The following SPTBN1 variants were observed in gnomAD, a reference collection of about 807,000 sequenced individuals.
SPTBN1 encodes the protein spectrin beta, non-erythrocytic 1, also known as spectrin beta chain, non-erythrocytic 1.
Under a neutral mutation model 266.4 loss-of-function variants are expected in SPTBN1, and 32 were observed. The ratio of observed to expected loss-of-function variants is 0.12; its 90% CI spans 0.09 to 0.16. The LOEUF (loss-of-function observed/expected upper bound fraction) is 0.16, where lower values mean the gene tolerates loss of function less well. Ranked by LOEUF, SPTBN1 falls within the 10% of genes least tolerant of loss-of-function variation. The pLI is 1.00. For synonymous variants in SPTBN1, 1,336 were observed against 1,162.2 expected (o/e 1.15, Z -3.04); for missense variants, 2,296 against 3,067.1 (o/e 0.75, Z 5.94).
chr2:54,641,397 T>G (rs761876858), intron 18 of SPTBN1, among the ~76,000 whole-genome samples: 6 of 152,232 alleles, frequency 3.9e-5, no homozygotes, highest in Non-Finnish European at 8.8e-5. Flanking sequence ...GCCTTCTGTT[T>G]TGTGTGTATG....
chr2:54,590,500 C>CAACTCAGAGGCAATT (rs1219493230), intron 2 of SPTBN1, among the ~76,000 whole-genome samples: 2 of 152,172 alleles, frequency 1.3e-5, no homozygotes, highest in Non-Finnish European at 2.9e-5. Context: ...GCCTCTGAGC[C>CAACTCAGAGGCAATT]AACTGCAAGT....
chr2:54,594,372 A>T (rs1226799241), intron 2 of SPTBN1, among the ~76,000 whole-genome samples: 1 of 152,240 alleles, frequency 6.6e-6, no homozygotes, highest in Non-Finnish European at 1.5e-5. Flanking sequence ...AAGATGCAAT[A>T]TAGCAGCTGT....
intron 1 of SPTBN1, among the ~76,000 whole-genome samples, chr2:54,482,582 C>T (rs1433611503): frequency 6.6e-6 from 1 of 152,094 alleles, no homozygotes; most frequent in Non-Finnish European, 1.5e-5. Context: ...GCCATGAGCA[C>T]CAGGAAGTTA....
At chr2:54,665,781 A>C in intron 33 of SPTBN1, 134 bp from the exon 34 acceptor site, 1 of 1,036,248 alleles carries the variant, frequency 9.7e-7, no homozygotes, top group South Asian at 1.8e-5. Flanking sequence ...GCTTGTAATA[A>C]GGAAGGTTGA....
chr2:54,656,113 G>C, intron 29 of SPTBN1, 115 bp downstream of exon 29: 1 of 847,936 alleles, frequency 1.2e-6, no homozygotes, highest in Non-Finnish European at 1.8e-6. Context: ...AGTTGTAGAT[G>C]CCTTTTTAGT....
intron 1 of SPTBN1, among the ~76,000 whole-genome samples, chr2:54,493,045 GC>G (rs1181936417): frequency 9.0e-6 from 1 of 110,796 alleles, no homozygotes; most frequent in Non-Finnish European, 1.7e-5. Flanking sequence ...TCACTCTATT[GC>G]CCAGACTGAA....
At position 54,645,576 on chromosome 2, in the gene SPTBN1, T is replaced by A. The variant is rs889303095; in HGVS notation, c.4494+123T>A. ...ACGTTGGCAAGCTGAGCTGCCAAAGTCCACGCTCTGGATGGTCTAAAGTTT... is the reference window on the plus strand; with the variant it reads ...ACGTTGGCAAGCTGAGCTGCCAAAGACCACGCTCTGGATGGTCTAAAGTTT... On this transcript the variant is annotated intron_variant, in intron 21 of 35. Transcript: ENST00000356805. The surrounding 1 kb of genome is among the most constrained non-coding windows in gnomAD (Gnocchi z 4.3). 27 of 988,792 alleles carry A rather than the reference T, an allele frequency of 2.7e-5. No homozygotes were observed. The East Asian group carries it at 6.8e-4, about 25-fold the overall frequency. The allele number at this position is 988,792 out of a possible 1,614,324, so 61.3% of individuals were successfully genotyped here.
At chr2:54,667,344 T>C (rs1681431985) in intron 34 of SPTBN1, among the ~76,000 whole-genome samples, 1 of 152,192 alleles carries the variant, frequency 6.6e-6, no homozygotes, top group Non-Finnish European at 1.5e-5. Flanking sequence ...ATGTTATGTT[T>C]GGGGCTTTTT....
In SPTBN1 at chr2:54,621,504, A is replaced by G. The variant is rs2103866630; in HGVS notation, c.868A>G (p.Ile290Val). The G allele has an allele frequency of 1.2e-6, 2 of 1,613,902 alleles. No homozygotes were observed. Among genetic ancestry groups the G allele is most frequent in the Non-Finnish European group, 1.7e-6 (2 of 1,179,802 alleles). Residue 290 changes from isoleucine to valine, a missense_variant, in exon 8 of 36, where the codon ATT (isoleucine) becomes GTT (valine). Ile to Val is a conservative substitution (Grantham distance 29, BLOSUM62 3). Coordinates refer to ENST00000356805, the MANE Select transcript of SPTBN1 (RefSeq NM_003128.3). The part of the protein sequence containing the change: ...MKALAVEGKR[I>V]GKVLDNAIET... ...GGCCTTAGCTGTTGAAGGAAAACGAATTGGAAAGGTGAGCTGGTGCCAATT... is the reference window on the plus strand; with the variant it reads ...GGCCTTAGCTGTTGAAGGAAAACGAGTTGGAAAGGTGAGCTGGTGCCAATT...
chr2:54,646,151 T>C lies in SPTBN1; in HGVS notation c.4585-43T>C, dbSNP rs770669208. On this transcript the variant is annotated intron_variant, in intron 22 of 35. Transcript: ENST00000356805. The surrounding 1 kb of genome is among the most constrained non-coding windows in gnomAD (Gnocchi z 4.4). ...CAGCTTGACATAAGCAGCAGACGGC[T>C]GCCATTTAGCAAGCCTTTGTGTGTA... 8 of 1,592,332 alleles carry C rather than the reference T, an allele frequency of 5.0e-6. No individual in the cohort carries two copies. The Admixed American group carries it at 1.2e-4, about 24-fold the overall frequency.
intron 29 of SPTBN1, among the ~76,000 whole-genome samples, chr2:54,657,029 C>T (rs1404318241): frequency 2.0e-5 from 3 of 152,208 alleles, no homozygotes; most frequent in South Asian, 2.1e-4. Flanking sequence ...CTTGGGACAC[C>T]AACGCTGCCC....
intron 1 of SPTBN1, among the ~76,000 whole-genome samples, chr2:54,460,626 C>T (rs1030802554): frequency 2.6e-5 from 4 of 152,190 alleles, no homozygotes; most frequent in African/African-American, 7.2e-5. Context: ...CCTGCCCTCT[C>T]GTCCAGTCTT....
chr2:54,470,688 G>A (rs1182959889), intron 1 of SPTBN1, among the ~76,000 whole-genome samples: 5 of 152,134 alleles, frequency 3.3e-5, no homozygotes, highest in African/African-American at 1.2e-4. Context: ...AAATTGTTCT[G>A]TTCACCAGAA....
chr2:54,667,110 A>C (rs1279927744), intron 34 of SPTBN1, among the ~76,000 whole-genome samples: 1 of 152,210 alleles, frequency 6.6e-6, no homozygotes, highest in African/African-American at 2.4e-5. Flanking sequence ...TCCCAGTGTC[A>C]CACTAATAGG....
rs188644661 is a variant in SPTBN1 at position 54,635,640 on chromosome 2, C to T, written c.3768-2073C>T. Among the ~76,000 whole-genome samples, 19 of 152,334 alleles carry T rather than the reference C, an allele frequency of 1.2e-4. 1 individual carries two copies. Among genetic ancestry groups the T allele is most frequent in the Admixed American group, 7.2e-4 (11 of 15,308 alleles). On this transcript the variant is annotated intron_variant, in intron 17 of 35. Coordinates refer to ENST00000356805, the MANE Select transcript of SPTBN1 (RefSeq NM_003128.3). ...TCATTTCTGTTATTTCCGTGAGAGG[C>T]GAGGATGTGTGTCCTGTTGTTAATT... is the stretch of plus-strand genomic sequence containing the variant.
At chr2:54,631,649 A>AGCAGCCCT in intron 16 of SPTBN1, 38 bp downstream of exon 16, 1 of 1,582,224 alleles carries the variant, frequency 6.3e-7, no homozygotes, top group Non-Finnish European at 8.6e-7. Context: ...TTTCGGTGAA[A>AGCAGCCCT]GCAGCCCTGG....
intron 2 of SPTBN1, among the ~76,000 whole-genome samples, chr2:54,577,937 C>A (rs112434722): frequency 1.3e-5 from 2 of 152,054 alleles, no homozygotes. Context: ...CTGAGACTCT[C>A]ACTCTTCATT....
chr2:54,569,983 T>A, intron 2 of SPTBN1, among the ~76,000 whole-genome samples: 1 of 136,136 alleles, frequency 7.3e-6, no homozygotes, highest in East Asian at 2.6e-4. Context: ...CCCCCCCCCT[T>A]TAGAAAGATT....
rs1681542307 is a variant in SPTBN1, at chr2:54,668,600, T to A, written c.*31T>A. On this transcript the variant is annotated 3_prime_UTR_variant, in exon 36 of 36. Coordinates refer to ENST00000356805, the MANE Select transcript of SPTBN1 (RefSeq NM_003128.3). Reference sequence around the variant, plus strand: ...TTTCCTTCACCTCCTGCCCTTCTCTTACCTTTTCAGTGAAATTCCAGCATG... The same window carrying A: ...TTTCCTTCACCTCCTGCCCTTCTCTAACCTTTTCAGTGAAATTCCAGCATG... 6.4e-7 allele frequency: 1 copy of A among 1,568,972 alleles called. No homozygotes were observed. The highest frequency in any genetic ancestry group is 1.2e-5 in the South Asian group (1 of 86,402).
Sources: gnomAD v4.1 joint callset for allele counts (sites outside exome capture counted in the v4.1 genomes callset) on GRCh38, gnomAD v4.1.1 for gene constraint, Gnocchi (gnomAD v3.1) non-coding constraint, MANE v1.5 for transcripts, NCBI Gene and HGNC (gene_info 2026-07-23, HGNC 2026-07-21) for gene names.